Variants in ZNF704 observed in about 807,000 individuals in gnomAD.
ZNF704 encodes the protein zinc finger protein 704.
A neutral mutation model predicts 44.7 loss-of-function variants in ZNF704; 10 were observed. The ratio of observed to expected loss-of-function variants is 0.22; its 90% CI spans 0.14 to 0.38. The LOEUF is 0.38. Among genes scored for constraint, ZNF704 ranks in the 10% least tolerant of loss-of-function variants. ZNF704 has a pLI of 1.00. For synonymous variants in ZNF704, 211 were observed against 207.6 expected (o/e 1.02, Z -0.14); for missense variants, 390 against 545.5 (o/e 0.71, Z 2.84).
chr8:80,703,485 T>C (rs893794521), intron 2 of ZNF704, among the ~76,000 whole-genome samples: 14 of 152,154 alleles, frequency 9.2e-5, no homozygotes, highest in African/African-American at 3.1e-4. Flanking sequence ...GTTTTGTTTT[T>C]GTTTGTTGAG....
intron 2 of ZNF704, among the ~76,000 whole-genome samples, chr8:80,755,314 G>A (rs1807017048): frequency 1.3e-5 from 2 of 152,080 alleles, no homozygotes; most frequent in African/African-American, 2.4e-5. Context: ...AATTAGCCAC[G>A]TGTGGTGGTG....
intron 1 of ZNF704, among the ~76,000 whole-genome samples, chr8:80,851,459 C>G (rs1422027213): frequency 1.3e-5 from 2 of 151,538 alleles, no homozygotes; most frequent in African/African-American, 4.9e-5. Flanking sequence ...ACATTCTCAG[C>G]AAACTATCGC....
chr8:80,841,179 T>C (rs1378516402), intron 1 of ZNF704, among the ~76,000 whole-genome samples: 1 of 152,236 alleles, frequency 6.6e-6, no homozygotes, highest in African/African-American at 2.4e-5. Flanking sequence ...GCCAAATCTC[T>C]TCTGCACATG....
chr8:80,865,107 TAA>T (rs1809132533), intron 1 of ZNF704, among the ~76,000 whole-genome samples: 1 of 152,144 alleles, frequency 6.6e-6, no homozygotes, highest in Admixed American at 6.5e-5. Flanking sequence ...TTGGTAGCAT[TAA>T]TAAGGAGGTT....
At chr8:80,796,047 A>G (rs1235818748) in intron 2 of ZNF704, among the ~76,000 whole-genome samples, 1 of 152,126 alleles carries the variant, frequency 6.6e-6, no homozygotes, top group Non-Finnish European at 1.5e-5. Context: ...TCTTGGAAAA[A>G]CTGACCTTTA....
intron 2 of ZNF704, among the ~76,000 whole-genome samples, chr8:80,756,675 T>C (rs544343467): frequency 1.3e-5 from 2 of 152,236 alleles, no homozygotes. Flanking sequence ...TTGGTGAATA[T>C]GCACTGCATA....
intron 2 of ZNF704, among the ~76,000 whole-genome samples, chr8:80,751,111 C>A (rs1806935593): frequency 6.6e-6 from 1 of 152,042 alleles, no homozygotes; most frequent in Non-Finnish European, 1.5e-5. Flanking sequence ...TTTAACCACT[C>A]AAATCTTAAT....
intron 2 of ZNF704, among the ~76,000 whole-genome samples, chr8:80,709,249 G>C (rs6983329): frequency 0.069 from 10,481 of 151,686 alleles, 1,204 homozygotes; most frequent in African/African-American, 0.24. Flanking sequence ...TCAAGATCAT[G>C]CTGGCTAACA....
intron 2 of ZNF704, among the ~76,000 whole-genome samples, chr8:80,720,099 G>A (rs1467027650): frequency 2.0e-5 from 3 of 152,180 alleles, no homozygotes. Context: ...TAAAATCCAC[G>A]CATTTCCCAG....
chr8:80,779,514 T>C (rs1392602900), intron 2 of ZNF704, among the ~76,000 whole-genome samples: 1 of 152,138 alleles, frequency 6.6e-6, no homozygotes, highest in Non-Finnish European at 1.5e-5. Flanking sequence ...TACCCTATTA[T>C]ATAAATAAAA....
chr8:80,676,532 G>A (rs1390107357), intron 4 of ZNF704, among the ~76,000 whole-genome samples: 1 of 151,950 alleles, frequency 6.6e-6, no homozygotes, highest in Non-Finnish European at 1.5e-5. Context: ...GGTGGAGAAG[G>A]GAAAAAAAGG....
At chr8:80,735,713 T>C (rs1363285832) in intron 2 of ZNF704, among the ~76,000 whole-genome samples, 1 of 152,206 alleles carries the variant, frequency 6.6e-6, no homozygotes. Context: ...TTATTTTTTT[T>C]CCATGGGTTA....
intron 5 of ZNF704, among the ~76,000 whole-genome samples, chr8:80,668,077 A>G (rs1247167202): frequency 6.6e-6 from 1 of 152,260 alleles, no homozygotes; most frequent in African/African-American, 2.4e-5. Flanking sequence ...ATAGAACATT[A>G]TACTTTTCCA....
chr8:80,838,108 T>TGAC (rs1328974702), intron 1 of ZNF704, among the ~76,000 whole-genome samples: 12 of 152,146 alleles, frequency 7.9e-5, no homozygotes, highest in African/African-American at 2.9e-4. Flanking sequence ...CCATCCTCCC[T>TGAC]GGCTCAAATC....
At chr8:80,849,556 A>G (rs1289236929) in intron 1 of ZNF704, among the ~76,000 whole-genome samples, 1 of 152,236 alleles carries the variant, frequency 6.6e-6, no homozygotes, top group Non-Finnish European at 1.5e-5. Context: ...CAAAGGTGAC[A>G]AAGGCATTGC....
In ZNF704 at chr8:80,630,745, G is replaced by A. The variant is rs911961311; in HGVS notation, c.*10621C>T. On this transcript the variant is annotated 3_prime_UTR_variant, in exon 9 of 9. Transcript: ENST00000327835. ...TTCTAAGTATATAGGATTTTGATAC[G>A]CAAAACACTTTGGAAACTATTCTAG... 1 of 152,048 alleles carries A rather than the reference G, an allele frequency of 6.6e-6. No individual in the cohort carries two copies. The highest frequency in any genetic ancestry group is 6.6e-5 in the Admixed American group (1 of 15,258). The allele number at this position is 152,048 out of a possible 1,614,324, so 9.4% of individuals were successfully genotyped here.
At position 80,839,540 on chromosome 8, in the gene ZNF704, T is replaced by C. The variant is rs116966678; in HGVS notation, c.-21-17925A>G. On this transcript the variant is annotated intron_variant, in intron 1 of 8. Transcript: ENST00000327835. ...AGAGTGTATTCAAGAAATTAGGCAA[T>C]ACATATTAGAATAAATTTGCATATC... Among the ~76,000 whole-genome samples the C allele has an allele frequency of 2.8e-3, 434 of 152,326 alleles. 1 individual carries two copies. The highest frequency in any genetic ancestry group is 5.2e-3 in the Non-Finnish European group (356 of 68,022).
intron 1 of ZNF704, among the ~76,000 whole-genome samples, chr8:80,828,390 G>A (rs1486446477): frequency 6.6e-6 from 1 of 152,188 alleles, no homozygotes; most frequent in Non-Finnish European, 1.5e-5. Context: ...AAGGTAATTG[G>A]TACTGTAAAT....
At position 80,818,559 on chromosome 8, in the gene ZNF704, A is replaced by T. The variant is rs143057436; in HGVS notation, c.221+2815T>A. ...AATACAATGTAAACACTATGTAAAT[A>T]GTTGTTATACTGTATTGTTTAGGAA... On this transcript the variant is annotated intron_variant, in intron 2 of 8. Coordinates refer to ENST00000327835, the MANE Select transcript of ZNF704 (RefSeq NM_001033723.3). Among the ~76,000 whole-genome samples, 590 of 152,290 alleles carry T rather than the reference A, an allele frequency of 3.9e-3. 5 individuals are homozygous for T. The highest frequency in any genetic ancestry group is 0.013 in the African/African-American group (559 of 41,554).
Sources: gnomAD v4.1 joint callset for allele counts (sites outside exome capture counted in the v4.1 genomes callset) on GRCh38, gnomAD v4.1.1 for gene constraint, MANE v1.5 for transcripts, NCBI Gene and HGNC (gene_info 2026-07-23, HGNC 2026-07-21) for gene names.